Variants in IL13RA1 observed in about 807,000 individuals in gnomAD.
IL13RA1 encodes interleukin-13 receptor subunit alpha-1.
Under a neutral mutation model 33.8 loss-of-function variants are expected in IL13RA1, and 14 were observed. The ratio of observed to expected loss-of-function variants is 0.41; its 90% confidence interval spans 0.27 to 0.65. The LOEUF is 0.65. Among genes scored for constraint, IL13RA1 ranks in the 30% least tolerant of loss-of-function variants. The pLI, the probability that IL13RA1 is intolerant of heterozygous loss-of-function variation, is 0.28. For synonymous variants in IL13RA1, 116 were observed against 115.7 expected (o/e 1.00, Z -0.02); for missense variants, 313 against 327.0 (o/e 0.96, Z 0.33).
chrX:118,745,611 C>G (rs1415748288), intron 2 of IL13RA1, among the ~76,000 whole-genome samples: 1 of 112,012 alleles, frequency 8.9e-6, no homozygotes, highest in Non-Finnish European at 1.9e-5. Context: ...CAGTTGCCCT[C>G]ATGCTCAGCT....
chrX:118,732,575 C>T (rs1250524563), intron 1 of IL13RA1, among the ~76,000 whole-genome samples: 1 of 107,664 alleles, frequency 9.3e-6, no homozygotes, highest in Non-Finnish European at 1.9e-5. Context: ...CACAACAGGC[C>T]CCGGTGTGTG....
intron 8 of IL13RA1, 149 bp downstream of exon 8, chrX:118,767,125 A>G: frequency 2.8e-6 from 1 of 359,702 alleles, no homozygotes; most frequent in Non-Finnish European, 4.8e-6. Flanking sequence ...CTTCTTAATC[A>G]CTTTCAAACC....
chrX:118,784,403 T>C (rs903931086), intron 10 of IL13RA1, among the ~76,000 whole-genome samples: 2 of 110,158 alleles, frequency 1.8e-5, no homozygotes, highest in African/African-American at 6.6e-5. Context: ...AATAACACTG[T>C]CATATTGAAT....
intron 6 of IL13RA1, among the ~76,000 whole-genome samples, chrX:118,762,398 A>G (rs924180225): frequency 1.8e-5 from 2 of 112,383 alleles, no homozygotes; most frequent in African/African-American, 6.5e-5. Flanking sequence ...TTTGAGTTTT[A>G]GAGATTAGAA....
rs1236898468 is a variant in IL13RA1 at position 118,792,069 on chromosome X, A to G, written c.*215A>G. On this transcript the variant is annotated 3_prime_UTR_variant, in exon 11 of 11. Transcript: ENST00000371666. ...AAGAGTGTGGAGTCATTCTCATTGA[A>G]TTATAAAAGCCAGCAGGCTTCAAAC... The G allele has an allele frequency of 2.8e-5, 7 of 248,473 alleles. No homozygotes were observed. Among genetic ancestry groups the G allele is most frequent in the Non-Finnish European group, 4.2e-5 (6 of 141,323 alleles). The allele number at this position is 248,473 out of a possible 1,213,427, so 20.5% of individuals were successfully genotyped here.
chrX:118,799,266 G>C (rs1014248379), downstream of IL13RA1, among the ~76,000 whole-genome samples: 9 of 112,939 alleles, frequency 8.0e-5, no homozygotes, highest in African/African-American at 2.6e-4. Flanking sequence ...TGTGCGGCCC[G>C]AGCCTCCCGG....
chrX:118,767,014 G>T, intron 8 of IL13RA1, 38 bp downstream of exon 8: 1 of 842,016 alleles, frequency 1.2e-6, no homozygotes, highest in South Asian at 2.7e-5. Context: ...TTAAAACACT[G>T]ATGTATAAAA....
intron 6 of IL13RA1, chrX:118,761,569 A>G (rs1461590432): frequency 1.2e-5 from 2 of 172,491 alleles, no homozygotes; most frequent in Non-Finnish European, 2.1e-5. Context: ...AATATCCACC[A>G]CATGCCAAGC....
rs1025501559 is a variant in IL13RA1 at position 118,758,348 on chromosome X, C to T, written c.676+106C>T. The T allele has an allele frequency of 3.7e-5, 15 of 406,405 alleles. 1 individual carries two copies. Among genetic ancestry groups the T allele is most frequent in the African/African-American group, 3.4e-4 (14 of 41,097 alleles). The allele number at this position is 406,405 out of a possible 1,213,427, so 33.5% of individuals were successfully genotyped here. A position where few individuals can be genotyped will look rare whatever the true frequency, so the allele number is the denominator to read the frequency against. ...ATGATCATTCTGGGTTTAAGATCTT[C>T]TGAAAGAAGGGACTATATTGATGTA... is the stretch of plus-strand genomic sequence containing the variant. On this transcript the variant is annotated intron_variant, in intron 5 of 10. Coordinates refer to ENST00000371666, the MANE Select transcript of IL13RA1 (RefSeq NM_001560.3).
chrX:118,804,717 T>C, the IL13RA1 span, among the ~76,000 whole-genome samples: 4 of 112,154 alleles, frequency 3.6e-5, no homozygotes, highest in East Asian at 1.1e-3. Flanking sequence ...GTGTGTGCTT[T>C]GTAAATCTGC....
At chrX:118,735,090 CTT>C (rs753089789) in intron 1 of IL13RA1, among the ~76,000 whole-genome samples, 2 of 110,325 alleles carry the variant, frequency 1.8e-5, no homozygotes, top group Admixed American at 1.9e-4. Flanking sequence ...ATAGTACTCT[CTT>C]ATAACCCTTT....
intron 1 of IL13RA1, among the ~76,000 whole-genome samples, chrX:118,740,098 G>A (rs1379403868): frequency 8.9e-6 from 1 of 111,924 alleles, no homozygotes; most frequent in East Asian, 2.8e-4. Context: ...CCAGTACCTG[G>A]GACTATAGGC....
At chrX:118,789,467 C>T (rs748615001) in intron 10 of IL13RA1, among the ~76,000 whole-genome samples, 55 of 111,853 alleles carry the variant, frequency 4.9e-4, no homozygotes, top group Non-Finnish European at 8.9e-4. Flanking sequence ...GAGAAAAGAG[C>T]GTCTTAATTT....
At chrX:118,736,961 G>C (rs1208085777) in intron 1 of IL13RA1, among the ~76,000 whole-genome samples, 1 of 112,490 alleles carries the variant, frequency 8.9e-6, no homozygotes, top group African/African-American at 3.2e-5. Flanking sequence ...TTTAATGCCT[G>C]GCTCCCAAAA....
chrX:118,729,942 C>T (rs115523076), intron 1 of IL13RA1, among the ~76,000 whole-genome samples: 3,433 of 111,933 alleles, frequency 0.031, 122 homozygotes, highest in African/African-American at 0.1. Context: ...TGGACACCTC[C>T]CAGGGTAGCA....
At chrX:118,744,142 TA>T (rs202151135) in intron 2 of IL13RA1, among the ~76,000 whole-genome samples, 4 of 108,244 alleles carry the variant, frequency 3.7e-5, no homozygotes, top group East Asian at 2.9e-4. Flanking sequence ...CAAGACTGTT[TA>T]AAAAAAAAAT....
intron 10 of IL13RA1, among the ~76,000 whole-genome samples, chrX:118,779,472 C>T (rs1191410007): frequency 9.0e-6 from 1 of 111,616 alleles, no homozygotes. Flanking sequence ...TAGTATATTA[C>T]AATCATAATT....
chrX:118,761,364 A>G, intron 6 of IL13RA1, 75 bp downstream of exon 6: 1 of 484,249 alleles, frequency 2.1e-6, no homozygotes, highest in South Asian at 4.9e-5. Flanking sequence ...AATATCAATG[A>G]AACATAGCTC....
intron 4 of IL13RA1, among the ~76,000 whole-genome samples, chrX:118,755,683 G>A (rs1370303776): frequency 8.9e-6 from 1 of 111,908 alleles, no homozygotes; most frequent in Non-Finnish European, 1.9e-5. Context: ...AATGAAAAAG[G>A]GATCAAGAAG....
Sources: gnomAD v4.1 joint callset for allele counts (sites outside exome capture counted in the v4.1 genomes callset) on GRCh38, gnomAD v4.1.1 for gene constraint, MANE v1.5 for transcripts, NCBI Gene and HGNC (gene_info 2026-07-23, HGNC 2026-07-21) for gene names.